The following UNC45B variants were observed in gnomAD, a reference collection of about 807,000 sequenced individuals.
UNC45B encodes unc-45 myosin chaperone B.
UNC45B carries 78 observed loss-of-function variants against 98.7 expected under a neutral mutation model. That is an observed-to-expected ratio of 0.79 (90% CI 0.66 to 0.95). The LOEUF is 0.95. Among genes scored for constraint, UNC45B ranks in the 40% least tolerant of loss-of-function variants. The pLI, the probability that UNC45B is intolerant of heterozygous loss-of-function variation, is 0.00. For missense variants in UNC45B, 1,225 were observed against 1,184.9 expected (o/e 1.03, Z -0.50); for synonymous variants, 462 against 480.4 (o/e 0.96, Z 0.50).
At chr17:35,158,023 G>A (rs1310936281) in intron 7 of UNC45B, among the ~76,000 whole-genome samples, 1 of 152,078 alleles carries the variant, frequency 6.6e-6, no homozygotes, top group Non-Finnish European at 1.5e-5. Flanking sequence ...CTACAGGCTC[G>A]TGCCACCATG....
intron 14 of UNC45B, among the ~76,000 whole-genome samples, 193 bp downstream of exon 14, chr17:35,174,562 G>A (rs1398271913): frequency 1.6e-4 from 25 of 152,168 alleles, no homozygotes; most frequent in Admixed American, 1.4e-3. Context: ...GCTCATGCCT[G>A]TAATCCCAGG....
chr17:35,166,765 C>T (rs749686524), intron 9 of UNC45B, among the ~76,000 whole-genome samples: 1 of 152,144 alleles, frequency 6.6e-6, no homozygotes, highest in Non-Finnish European at 1.5e-5. Flanking sequence ...AAAGCTGAGT[C>T]CTCTTCCCCA....
intron 8 of UNC45B, 95 bp from the exon 9 acceptor site, chr17:35,163,900 G>A: frequency 7.4e-7 from 1 of 1,356,798 alleles, no homozygotes; most frequent in Non-Finnish European, 1.0e-6. Flanking sequence ...AGACAGGGCT[G>A]GAGAGAAGCT....
Position 35,175,990 on chromosome 17 carries a change from A to C in UNC45B, c.1981A>C (p.Asn661His). The C allele has an allele frequency of 3.7e-6, 6 of 1,614,118 alleles. No homozygotes were observed. The highest frequency in any genetic ancestry group is 5.1e-6 in the Non-Finnish European group (6 of 1,180,014). The change falls in exon 15 of 20, where the codon AAC becomes CAC. Residue 661 changes from asparagine (N) to histidine (H), a missense_variant. Asn to His is a moderately conservative substitution (Grantham distance 68, BLOSUM62 1). Transcript: ENST00000394570. ...LARVFLALCD[N>H]PKDRGTIVAQ... Reference sequence around the variant, plus strand: ...CAGGGTATTCCTGGCACTGTGTGACAACCCAAAGGACCGAGGCACCATTGT... The same window carrying C: ...CAGGGTATTCCTGGCACTGTGTGACCACCCAAAGGACCGAGGCACCATTGT...
Position 35,154,587 on chromosome 17 carries a change from TC to T in UNC45B, c.486del (p.Ile163LeufsTer3). On this transcript the variant is annotated frameshift_variant, in exon 6 of 20. Transcript: ENST00000394570. LOFTEE classifies it high-confidence loss of function. ...TTCCTCCTTCAGGCTGCCAACAATC[TC>T]ATTGTCCTAGGCCGTGAGGAAGCAG... ...ADKREKAANNLIVLGREEAGA... is the reference protein window; with the variant it reads ...ADKREKAANNXIVLGREEAGA... 1 of 1,612,548 alleles carries T rather than the reference TC, an allele frequency of 6.2e-7. No homozygotes were observed. Among genetic ancestry groups the T allele is most frequent in the East Asian group, 2.2e-5 (1 of 44,802 alleles).
intron 13 of UNC45B, among the ~76,000 whole-genome samples, chr17:35,173,068 C>T (rs2092199283): frequency 6.6e-6 from 1 of 151,592 alleles, no homozygotes; most frequent in Non-Finnish European, 1.5e-5. Flanking sequence ...TCTTAGTTTC[C>T]TATTGTTTCT....
At chr17:35,155,245 G>T in intron 6 of UNC45B, 51 bp from the exon 7 acceptor site, 1 of 1,598,218 alleles carries the variant, frequency 6.3e-7, no homozygotes, top group Non-Finnish European at 8.5e-7. Flanking sequence ...CTGCATGGCA[G>T]CTAGAAGGGA....
intron 17 of UNC45B, among the ~76,000 whole-genome samples, 171 bp downstream of exon 17, chr17:35,177,781 A>AT (rs1286859535): frequency 2.6e-5 from 4 of 152,198 alleles, no homozygotes; most frequent in African/African-American, 7.2e-5. Flanking sequence ...CCAAAGCCAA[A>AT]AAATGCTACA....
At chr17:35,169,367 C>A (rs1320601859) in intron 10 of UNC45B, among the ~76,000 whole-genome samples, 1 of 152,170 alleles carries the variant, frequency 6.6e-6, no homozygotes, top group Non-Finnish European at 1.5e-5. Flanking sequence ...CAAATTCTAG[C>A]TTCTGACAAA....
Position 35,148,415 on chromosome 17 carries a change from C to A in UNC45B, c.152C>A (p.Ala51Asp). Residue 51 changes from alanine to aspartate, a missense_variant, in exon 2 of 20, where the codon GCC becomes GAC. By Grantham distance (126) the Ala-to-Asp change is moderately radical. Transcript: ENST00000394570. ...GCCACGCTTTATCGGAACCGGGCAG[C>A]CTGTGGCCTGAAAACGGTCTGGGGC... ...LLATLYRNRA[A>D]CGLKTESYVQ... The A allele has an allele frequency of 1.2e-6, 2 of 1,613,794 alleles. No homozygotes were observed. Among genetic ancestry groups the A allele is most frequent in the Non-Finnish European group, 1.7e-6 (2 of 1,179,952 alleles).
chr17:35,153,015 A>G (rs781481565), intron 5 of UNC45B, 33 bp downstream of exon 5: 24 of 1,515,302 alleles, frequency 1.6e-5, no homozygotes, highest in Non-Finnish European at 2.2e-5. Context: ...CAGCCAGCAG[A>G]AGGACCCGCC....
intron 14 of UNC45B, 70 bp from the exon 15 acceptor site, chr17:35,175,898 C>CCTG (rs368246570): frequency 5.0e-5 from 73 of 1,448,552 alleles, no homozygotes; most frequent in African/African-American, 4.7e-4. Context: ...GACTGGCTGG[C>CCTG]CTGCTGCTGC....
chr17:35,160,755 T>C (rs1427453446), intron 8 of UNC45B, among the ~76,000 whole-genome samples: 1 of 152,308 alleles, frequency 6.6e-6, no homozygotes, highest in East Asian at 1.9e-4. Context: ...TATTTTCCTT[T>C]CATGTGTTCT....
At position 35,174,227 on chromosome 17, in the gene UNC45B, T is replaced by C; in HGVS notation, c.1831-15T>C. The C allele has an allele frequency of 1.9e-6, 3 of 1,614,084 alleles. No individual in the cohort carries two copies. Among genetic ancestry groups the C allele is most frequent in the Non-Finnish European group, 2.5e-6 (3 of 1,179,964 alleles). On this transcript the variant is annotated splice_polypyrimidine_tract_variant and intron_variant, in intron 13 of 19. Coordinates refer to ENST00000394570, the MANE Select transcript of UNC45B (RefSeq NM_001267052.2). ...CCCAGGACCCTCCCACATTGCCATC[T>C]TTTCATCTCCTCAGGACAAGAAGGA...
chr17:35,167,517 G>A (rs8081443), intron 9 of UNC45B, among the ~76,000 whole-genome samples: 55,540 of 151,716 alleles, frequency 0.37, 10,254 homozygotes, highest in Middle Eastern at 0.43. Flanking sequence ...AACTGCTCAG[G>A]AGGCTGAGGT....
At chr17:35,181,392 C>A (rs902378616) in intron 18 of UNC45B, among the ~76,000 whole-genome samples, 4 of 152,166 alleles carry the variant, frequency 2.6e-5, no homozygotes, top group Non-Finnish European at 5.9e-5. Context: ...GCCGAATGTC[C>A]CTCCTGGGCC....
intron 1 of UNC45B, 79 bp from the exon 2 acceptor site, chr17:35,148,185 C>A: frequency 3.3e-6 from 5 of 1,531,474 alleles, no homozygotes; most frequent in South Asian, 1.2e-5. Context: ...GACCCTGGAG[C>A]TCCGGACCTC....
chr17:35,150,238 T>C lies in UNC45B; in HGVS notation c.381+15T>C. On this transcript the variant is annotated intron_variant, in intron 4 of 19. Transcript: ENST00000394570. ...TTCAGGAGAAGGTGAGCTGGGCCTC[T>C]TCCCACAACCCTTGGCTGCCCAGCC... 6.3e-7 allele frequency: 1 copy of C among 1,599,958 alleles called. No individual in the cohort carries two copies. Among genetic ancestry groups the C allele is most frequent in the Non-Finnish European group, 8.5e-7 (1 of 1,173,042 alleles).
intron 18 of UNC45B, among the ~76,000 whole-genome samples, chr17:35,181,513 A>G (rs1195411199): frequency 6.6e-6 from 1 of 152,226 alleles, no homozygotes; most frequent in Non-Finnish European, 1.5e-5. Context: ...ATTAAAGGCC[A>G]GGTATGGTGG....
Sources: allele counts gnomAD v4.1 joint callset (sites outside exome capture counted in the v4.1 genomes callset), GRCh38; gene constraint gnomAD v4.1.1; transcripts MANE v1.5; gene names NCBI Gene and HGNC (gene_info 2026-07-23, HGNC 2026-07-21).